Variants in ATG10 observed in about 807,000 individuals in gnomAD.
ATG10 encodes autophagy related 10, also known as ubiquitin-like-conjugating enzyme ATG10.
ATG10 carries 30 observed loss-of-function variants against 32.1 expected under a neutral mutation model. That is an observed-to-expected ratio of 0.94 (90% CI 0.70 to 1.27). ATG10 has a LOEUF of 1.27. Ranked by LOEUF, ATG10 falls within the 50% of genes most tolerant of loss-of-function variation. ATG10 has a pLI of 0.00. For synonymous variants in ATG10, 87 were observed against 91.5 expected (o/e 0.95, Z 0.28); for missense variants, 233 against 262.3 (o/e 0.89, Z 0.77).
At chr5:82,192,389 A>T (rs1176525841) in intron 5 of ATG10, among the ~76,000 whole-genome samples, 2 of 152,214 alleles carry the variant, frequency 1.3e-5, no homozygotes, top group Non-Finnish European at 2.9e-5. Context: ...AGTAGAGAAT[A>T]GATTCTGGTT....
intron 5 of ATG10, among the ~76,000 whole-genome samples, chr5:82,204,025 G>A (rs888971320): frequency 6.6e-6 from 1 of 152,044 alleles, no homozygotes; most frequent in Non-Finnish European, 1.5e-5. Context: ...AACAAAAGAA[G>A]TAAATTATAT....
intron 3 of ATG10, among the ~76,000 whole-genome samples, chr5:82,138,738 A>G (rs1008732705): frequency 6.6e-6 from 1 of 152,150 alleles, no homozygotes; most frequent in African/African-American, 2.4e-5. Context: ...TGACATATTT[A>G]TAGAAAGTAG....
At chr5:82,156,778 A>G (rs923241017) in intron 3 of ATG10, among the ~76,000 whole-genome samples, 1 of 152,216 alleles carries the variant, frequency 6.6e-6, no homozygotes, top group African/African-American at 2.4e-5. Context: ...TTTCAAATCC[A>G]TTATTCTGCT....
intron 3 of ATG10, among the ~76,000 whole-genome samples, chr5:82,151,458 C>T (rs1035523178): frequency 7.9e-5 from 12 of 152,136 alleles, no homozygotes; most frequent in Non-Finnish European, 1.3e-4. Context: ...GGGACCTAGA[C>T]GATAGGAAGG....
chr5:82,014,681 G>T (rs1256318099), intron 2 of ATG10, among the ~76,000 whole-genome samples: 1 of 152,054 alleles, frequency 6.6e-6, no homozygotes, highest in Non-Finnish European at 1.5e-5. Context: ...CCATTTTCTT[G>T]GTAGATCTTC....
rs556547094 is a variant in ATG10 at position 82,062,176 on chromosome 5, T to C, written c.216+3574T>C. ...TTCTACTAGAATAACATATTTTTTT[T>C]CAACAATCAATTTACATAGAAAAAT... On this transcript the variant is annotated intron_variant, in intron 3 of 7. Coordinates refer to ENST00000282185, the MANE Select transcript of ATG10 (RefSeq NM_031482.5). Among the ~76,000 whole-genome samples the C allele has an allele frequency of 1.4e-4, 22 of 152,238 alleles. No individual in the cohort carries two copies. In the East Asian group the frequency reaches 2.7e-3, roughly 19 times the overall value.
At chr5:82,135,388 C>T (rs1766687685) in intron 3 of ATG10, among the ~76,000 whole-genome samples, 3 of 152,210 alleles carry the variant, frequency 2.0e-5, no homozygotes, top group African/African-American at 7.2e-5. Flanking sequence ...TCTCTAAGCG[C>T]TGCTTTAGCT....
At chr5:82,238,092 C>T (rs1273862764) in intron 5 of ATG10, among the ~76,000 whole-genome samples, 2 of 152,174 alleles carry the variant, frequency 1.3e-5, no homozygotes, top group Non-Finnish European at 2.9e-5. Flanking sequence ...ACCTCTGCAT[C>T]GAAGTTTTCC....
Position 82,007,820 on chromosome 5 carries a change from T to C in ATG10, c.108+20142T>C, listed in dbSNP as rs955593294. On this transcript the variant is annotated intron_variant, in intron 2 of 7. Transcript: ENST00000282185. ...CCCATTTACTTTTGTGTCATATATA[T>C]ATATGCACACACATATATATATTTG... Among the ~76,000 whole-genome samples the C allele has an allele frequency of 4.6e-5, 7 of 152,242 alleles. 1 individual carries two copies. The highest frequency in any genetic ancestry group is 3.9e-4 in the Admixed American group (6 of 15,288).
At chr5:82,030,351 A>G (rs1397774439) in intron 2 of ATG10, among the ~76,000 whole-genome samples, 1 of 152,222 alleles carries the variant, frequency 6.6e-6, no homozygotes, top group Admixed American at 6.5e-5. Flanking sequence ...GTAAAATAAA[A>G]TAAAATAAAA....
At chr5:82,097,126 C>T (rs561816959) in intron 3 of ATG10, among the ~76,000 whole-genome samples, 1 of 151,958 alleles carries the variant, frequency 6.6e-6, no homozygotes. Flanking sequence ...TTTTAGTCAA[C>T]CTTGATTTTT....
intron 5 of ATG10, among the ~76,000 whole-genome samples, chr5:82,243,672 A>G (rs1331916781): frequency 6.6e-6 from 1 of 152,122 alleles, no homozygotes; most frequent in East Asian, 1.9e-4. Context: ...AAACTGACAA[A>G]CTGCAATTGA....
At chr5:82,161,931 CCTT>C (rs2149896807) in intron 3 of ATG10, among the ~76,000 whole-genome samples, 1 of 151,976 alleles carries the variant, frequency 6.6e-6, no homozygotes, top group South Asian at 2.1e-4. Context: ...CAGCAGGAAG[CCTT>C]CTGATGAAGA....
chr5:82,151,679 T>A (rs1301857228), intron 3 of ATG10, among the ~76,000 whole-genome samples: 1 of 152,128 alleles, frequency 6.6e-6, no homozygotes, highest in Non-Finnish European at 1.5e-5. Context: ...ATCAGATCTT[T>A]CAAAAATTGG....
intron 3 of ATG10, among the ~76,000 whole-genome samples, chr5:82,093,453 T>C (rs1764956300): frequency 1.3e-5 from 2 of 152,200 alleles, no homozygotes; most frequent in African/African-American, 2.4e-5. Context: ...TTGAAAAATA[T>C]CTTCAGTGTC....
chr5:82,242,994 A>T (rs916229449), intron 5 of ATG10: 3 of 324,206 alleles, frequency 9.3e-6, no homozygotes, highest in South Asian at 2.6e-5. Context: ...GAAATACTAG[A>T]CAACAGTAGT....
intron 1 of ATG10, among the ~76,000 whole-genome samples, chr5:81,978,820 G>A (rs1396496845): frequency 1.3e-5 from 2 of 152,040 alleles, no homozygotes; most frequent in Non-Finnish European, 2.9e-5. Flanking sequence ...AAAGGTCCAA[G>A]AAGTGAACAG....
chr5:82,112,298 G>A (rs1474704448), intron 3 of ATG10, among the ~76,000 whole-genome samples: 1 of 151,784 alleles, frequency 6.6e-6, no homozygotes, highest in Admixed American at 6.6e-5. Flanking sequence ...ACAATAATTT[G>A]AATTTTTAAA....
intron 3 of ATG10, among the ~76,000 whole-genome samples, chr5:82,116,351 T>C (rs945641763): frequency 1.3e-5 from 2 of 152,100 alleles, no homozygotes; most frequent in African/African-American, 4.8e-5. Context: ...ACTATTTCAT[T>C]AAATTGATTA....
Sources: gnomAD v4.1 joint callset for allele counts (sites outside exome capture counted in the v4.1 genomes callset) on GRCh38, gnomAD v4.1.1 for gene constraint, MANE v1.5 for transcripts, NCBI Gene and HGNC (gene_info 2026-07-23, HGNC 2026-07-21) for gene names.